Variants in FBN1 observed in about 807,000 individuals in gnomAD.
FBN1 encodes the protein fibrillin 1.
In FBN1, 29 loss-of-function variants were observed where a neutral mutation model predicts 365.1. The observed-to-expected ratio is 0.08, with a 90% confidence interval of 0.06 to 0.11. FBN1 has a LOEUF of 0.11. Ranked by LOEUF, FBN1 falls within the 10% of genes least tolerant of loss-of-function variation. The pLI, the probability that FBN1 is intolerant of heterozygous loss-of-function variation, is 1.00. For synonymous variants in FBN1, 1,210 were observed against 1,270.5 expected (o/e 0.95, Z 1.01); for missense variants, 2,476 against 3,703.2 (o/e 0.67, Z 8.60).
At chr15:48,598,159 A>G (rs1224522130) in intron 5 of FBN1, among the ~76,000 whole-genome samples, 1 of 152,218 alleles carries the variant, frequency 6.6e-6, no homozygotes, top group African/African-American at 2.4e-5. Context: ...ATTTCACAAG[A>G]GTAAACACAT....
chr15:48,511,423 AC>A (rs901630423), intron 13 of FBN1, among the ~76,000 whole-genome samples: 5 of 150,950 alleles, frequency 3.3e-5, no homozygotes, highest in Admixed American at 3.3e-4. Context: ...TCTTGAGCAG[AC>A]TTTTTTTTTT....
chr15:48,590,431 A>C (rs928764032), intron 6 of FBN1, among the ~76,000 whole-genome samples: 1 of 152,070 alleles, frequency 6.6e-6, no homozygotes, highest in African/African-American at 2.4e-5. Context: ...GCCTTTTTGG[A>C]TTTATATAAT....
intron 9 of FBN1, among the ~76,000 whole-genome samples, chr15:48,521,875 G>A (rs2043859298): frequency 6.6e-6 from 1 of 152,200 alleles, no homozygotes; most frequent in African/African-American, 2.4e-5. Context: ...CTAACCCCCA[G>A]GGGCCCCAAT....
At position 48,441,128 on chromosome 15, in the gene FBN1, C is replaced by T. The variant is rs565517539; in HGVS notation, c.6163+593G>A. 2.6e-5 allele frequency among the ~76,000 whole-genome samples: 4 copies of T among 152,214 alleles called. No individual in the cohort carries two copies. The South Asian group carries it at 8.3e-4, about 32-fold the overall frequency. ...CTGTGTTATGCCAAAGTTCAGGATC[C>T]TTTTGATTTTTGTTTAAAATTTGAA... On this transcript the variant is annotated intron_variant, in intron 50 of 65. Transcript: ENST00000316623.
At chr15:48,512,196 T>C (rs1397125289) in intron 13 of FBN1, among the ~76,000 whole-genome samples, 1 of 152,224 alleles carries the variant, frequency 6.6e-6, no homozygotes, top group Non-Finnish European at 1.5e-5. Flanking sequence ...GCCAGTTCAC[T>C]GATAAAAATT....
At position 48,495,256 on chromosome 15, in the gene FBN1, G is replaced by A. The variant is rs2043596539; in HGVS notation, c.2544C>T (p.Thr848=). 6.2e-7 allele frequency: 1 copy of A among 1,613,932 alleles called. No homozygotes were observed. Among genetic ancestry groups the A allele is most frequent in the Non-Finnish European group, 8.5e-7 (1 of 1,180,010 alleles). ...CAGTCTGCCAGCAAGTGCCCTTGAT[G>A]GTTTCTGCAGAGGAGGGAATAATAT... ...LDPTKTICIE[T]IKGTCWQTVI... is the part of the protein sequence containing the mutation. Residue 848 remains threonine (T), a synonymous_variant, in exon 22 of 66, where the codon ACC becomes ACT. Coordinates refer to ENST00000316623, the MANE Select transcript of FBN1 (RefSeq NM_000138.5).
intron 6 of FBN1, among the ~76,000 whole-genome samples, chr15:48,593,736 G>C (rs1257003452): frequency 6.6e-6 from 1 of 152,128 alleles, no homozygotes; most frequent in South Asian, 2.1e-4. Context: ...AACTATAGTT[G>C]CTCCTGAAAA....
Position 48,526,236 on chromosome 15 carries a change from G to A in FBN1, c.882C>T (p.Thr294=), listed in dbSNP as rs776654183. Residue 294 remains threonine, a synonymous_variant, in exon 9 of 66, where the codon ACC becomes ACT. Transcript: ENST00000316623. ...QKCEDIDECS[T]IPGICEGGEC... ...CACCCCCTTCACAGATTCCAGGAATGGTGCTGCATTCATCAATATCTGGAA... is the reference window on the plus strand; with the variant it reads ...CACCCCCTTCACAGATTCCAGGAATAGTGCTGCATTCATCAATATCTGGAA... The A allele has an allele frequency of 6.2e-7, 1 of 1,614,008 alleles. No homozygotes were observed. Among genetic ancestry groups the A allele is most frequent in the East Asian group, 2.2e-5 (1 of 44,874 alleles).
At chr15:48,545,534 C>A (rs1030932407) in intron 6 of FBN1, among the ~76,000 whole-genome samples, 2 of 152,004 alleles carry the variant, frequency 1.3e-5, no homozygotes, top group African/African-American at 4.8e-5. Flanking sequence ...TCATAGACAG[C>A]AGTGCAATGA....
At chr15:48,537,887 T>C in intron 6 of FBN1, 79 bp from the exon 7 acceptor site, 4 of 1,393,484 alleles carry the variant, frequency 2.9e-6, no homozygotes, top group East Asian at 2.3e-5. Flanking sequence ...GTGCTCCATC[T>C]TGCTTGACTC....
Position 48,456,620 on chromosome 15 carries a change from G to A in FBN1, c.5422+17C>T. ...TTAGCTCTTTTCTGGATATGATAAA[G>A]TCATGATGCCACTTACCTTCACAAA... On this transcript the variant is annotated intron_variant, in intron 44 of 65. Coordinates refer to ENST00000316623, the MANE Select transcript of FBN1 (RefSeq NM_000138.5). The A allele has an allele frequency of 6.2e-7, 1 of 1,612,740 alleles. No homozygotes were observed. Among genetic ancestry groups the A allele is most frequent in the Non-Finnish European group, 8.5e-7 (1 of 1,179,424 alleles).
intron 8 of FBN1, among the ~76,000 whole-genome samples, chr15:48,527,274 G>A (rs557252374): frequency 6.6e-6 from 1 of 152,302 alleles, no homozygotes; most frequent in South Asian, 2.1e-4. Context: ...AATTCCCTTA[G>A]GACAAATATG....
In FBN1 at chr15:48,516,171, T is replaced by C. The variant is rs764788168; in HGVS notation, c.1327+12A>G. On this transcript the variant is annotated intron_variant, in intron 11 of 65. Transcript: ENST00000316623. ...TGCAAGAAAAATAACTAGATGATTTTTGAATTCTTACTTGGTGGCTCCCGA... is the reference window on the plus strand; with the variant it reads ...TGCAAGAAAAATAACTAGATGATTTCTGAATTCTTACTTGGTGGCTCCCGA... The C allele has an allele frequency of 5.2e-5, 84 of 1,612,464 alleles. No individual in the cohort carries two copies. Among genetic ancestry groups the C allele is most frequent in the Admixed American group, 1.2e-4 (7 of 59,994 alleles).
intron 6 of FBN1, among the ~76,000 whole-genome samples, chr15:48,565,309 T>C (rs182719119): frequency 0.016 from 2,506 of 152,308 alleles, 57 homozygotes; most frequent in African/African-American, 0.058. Flanking sequence ...TGTGGTCTTT[T>C]CTAATTCAAA....
At chr15:48,639,692 A>C (rs537705266) in intron 2 of FBN1, among the ~76,000 whole-genome samples, 10 of 152,228 alleles carry the variant, frequency 6.6e-5, no homozygotes, top group African/African-American at 2.4e-4. Flanking sequence ...ATGAAACGCT[A>C]AACTATCATG....
chr15:48,412,582 G>C lies in FBN1; in HGVS notation c.8213C>G (p.Ala2738Gly). 1 of 1,614,056 alleles carries C rather than the reference G, an allele frequency of 6.2e-7. No homozygotes were observed. Among genetic ancestry groups the C allele is most frequent in the Non-Finnish European group, 8.5e-7 (1 of 1,179,938 alleles). ...RKRRSTNETD[A>G]SNIEDQSETE... ...CTTCTGACCCACCTCGATATTGGAGGCATCAGTTTCGTTTGTGCTTCTCCG... is the reference window on the plus strand; with the variant it reads ...CTTCTGACCCACCTCGATATTGGAGCCATCAGTTTCGTTTGTGCTTCTCCG... The change falls in exon 65 of 66, where the codon GCC (alanine) becomes GGC (glycine). Residue 2738 changes from alanine (A) to glycine (G), a missense_variant. By Grantham distance (60) the Ala-to-Gly change is moderately conservative. This residue lies in a region of FBN1 where 177 missense variants were observed against 192.7 expected (regional missense o/e 0.92). Coordinates refer to ENST00000316623, the MANE Select transcript of FBN1 (RefSeq NM_000138.5).
chr15:48,428,367 G>A lies in FBN1; in HGVS notation c.6976C>T (p.Pro2326Ser). 6.2e-7 allele frequency: 1 copy of A among 1,614,082 alleles called. No homozygotes were observed. Among genetic ancestry groups the A allele is most frequent in the Non-Finnish European group, 8.5e-7 (1 of 1,180,000 alleles). The part of the protein sequence containing the change: ...CECNDGFTAS[P>S]NQDECLDNRE... ...TCACCAAGGCACTCGTCCTGGTTGG[G>A]GCTGGCGGTAAACCCATCATTACAC... is the stretch of plus-strand genomic sequence containing the variant. Residue 2326 changes from proline (P) to serine (S), a missense_variant, in exon 57 of 66, where the codon CCC becomes TCC. Physicochemically the swap from Pro to Ser is moderately conservative, Grantham distance 74. Transcript: ENST00000316623.
At chr15:48,625,970 A>G (rs1889867913) in intron 2 of FBN1, among the ~76,000 whole-genome samples, 1 of 152,244 alleles carries the variant, frequency 6.6e-6, no homozygotes, top group African/African-American at 2.4e-5. Context: ...CTAAGACAAC[A>G]TAAGTTAATG....
chr15:48,420,581 G>A, intron 63 of FBN1, 106 bp downstream of exon 63: 1 of 1,456,552 alleles, frequency 6.9e-7, no homozygotes, highest in East Asian at 2.3e-5. Flanking sequence ...TTTTAAATGA[G>A]TATTTGTTGC....
Sources: allele counts gnomAD v4.1 joint callset (sites outside exome capture counted in the v4.1 genomes callset), GRCh38; gene constraint gnomAD v4.1.1; regional missense constraint gnomAD v4.1.1; transcripts MANE v1.5; gene names NCBI Gene and HGNC (gene_info 2026-07-23, HGNC 2026-07-21).